Variants in GAB1 observed in about 807,000 individuals in gnomAD.
The protein encoded by GAB1 is GRB2-associated-binding protein 1.
A neutral mutation model predicts 66.5 loss-of-function variants in GAB1; 19 were observed. The ratio of observed to expected loss-of-function variants is 0.29; its 90% confidence interval spans 0.20 to 0.42. The LOEUF (loss-of-function observed/expected upper bound fraction) is 0.42. GAB1 is among the 10% of genes least tolerant of loss of function. The pLI is 1.00. For synonymous variants in GAB1, 294 were observed against 301.4 expected, an observed-to-expected ratio of 0.98 and a Z score of 0.25; for missense variants, 732 against 858.5, an observed-to-expected ratio of 0.85 and a Z score of 1.84.
intron 1 of GAB1, among the ~76,000 whole-genome samples, chr4:143,359,479 G>A (rs996214863): frequency 2.0e-5 from 3 of 152,144 alleles, no homozygotes; most frequent in African/African-American, 7.2e-5. Flanking sequence ...ACATTTCCAT[G>A]TGCTTTGTGA....
chr4:143,423,848 G>T (rs1733180729), intron 2 of GAB1, among the ~76,000 whole-genome samples: 1 of 108,860 alleles, frequency 9.2e-6, no homozygotes, highest in African/African-American at 3.0e-5. Flanking sequence ...GTCTTCACGT[G>T]CTATGAAAAG....
intron 2 of GAB1, among the ~76,000 whole-genome samples, chr4:143,430,369 AATTTTGGAACATAT>A (rs1733589850): frequency 6.6e-6 from 1 of 152,344 alleles, no homozygotes; most frequent in Admixed American, 6.5e-5. Context: ...AATCCCATAC[AATTTTGGAACATAT>A]ATTAATATTA....
chr4:143,414,636 A>G (rs1464474579), intron 1 of GAB1, among the ~76,000 whole-genome samples: 2 of 152,200 alleles, frequency 1.3e-5, no homozygotes, highest in African/African-American at 4.8e-5. Context: ...GAAAAGCTTC[A>G]AAACCTTTCC....
At chr4:143,389,073 A>G (rs899737736) in intron 1 of GAB1, among the ~76,000 whole-genome samples, 1 of 152,248 alleles carries the variant, frequency 6.6e-6, no homozygotes, top group East Asian at 1.9e-4. Context: ...ACAAAGATCC[A>G]TCTAAAATCA....
intron 6 of GAB1, among the ~76,000 whole-genome samples, chr4:143,447,770 A>G (rs368694264): frequency 6.6e-6 from 1 of 151,982 alleles, no homozygotes; most frequent in East Asian, 1.9e-4. Context: ...CTAATTGAAT[A>G]CCCTTTATTT....
chr4:143,421,702 T>TC (rs554640865), intron 2 of GAB1, among the ~76,000 whole-genome samples: 1 of 128,072 alleles, frequency 7.8e-6, no homozygotes, highest in African/African-American at 4.0e-5. Context: ...TCTTTTCTTT[T>TC]TTTTTTTTTT....
At chr4:143,373,864 A>AAT (rs796217762) in intron 1 of GAB1, among the ~76,000 whole-genome samples, 1 of 50,808 alleles carries the variant, frequency 2.0e-5, no homozygotes, top group Admixed American at 1.8e-4. Context: ...TCTGTAAATA[A>AAT]ATAAATATAT....
chr4:143,466,267 T>C, intron 9 of GAB1, 42 bp downstream of exon 9: 1 of 1,591,020 alleles, frequency 6.3e-7, no homozygotes, highest in East Asian at 2.2e-5. Flanking sequence ...ATACAGTTAG[T>C]TCACACTTCA....
chr4:143,358,722 C>A lies in GAB1; in HGVS notation c.72+21462C>A, dbSNP rs536669140. Among the ~76,000 whole-genome samples, 3 of 152,042 alleles carry A rather than the reference C, an allele frequency of 2.0e-5. No individual in the cohort carries two copies. The South Asian group carries it at 6.2e-4, about 32-fold the overall frequency. ...TTTAGAATGCATTAATATTTTCAGGCCCAAATATGAGTATTCAGTAGGTTC... is the reference window on the plus strand; with the variant it reads ...TTTAGAATGCATTAATATTTTCAGGACCAAATATGAGTATTCAGTAGGTTC... On this transcript the variant is annotated intron_variant, in intron 1 of 9. Transcript: ENST00000262994.
At chr4:143,453,324 C>T (rs182279459) in intron 6 of GAB1, among the ~76,000 whole-genome samples, 19 of 151,900 alleles carry the variant, frequency 1.3e-4, no homozygotes, top group South Asian at 4.2e-4. Flanking sequence ...TTTTCTAATA[C>T]GAAAACCAAG....
intron 1 of GAB1, among the ~76,000 whole-genome samples, chr4:143,396,606 A>C (rs932627217): frequency 6.6e-6 from 1 of 152,214 alleles, no homozygotes; most frequent in Admixed American, 6.5e-5. Context: ...CAGTAGATCT[A>C]AAAGAGGTAA....
At chr4:143,365,181 A>T (rs2149660546) in intron 1 of GAB1, among the ~76,000 whole-genome samples, 1 of 152,132 alleles carries the variant, frequency 6.6e-6, no homozygotes, top group East Asian at 1.9e-4. Flanking sequence ...CCGGCCCTGC[A>T]TCTACTTTTT....
In GAB1 at chr4:143,440,164, C is replaced by A; in HGVS notation, c.1367C>A (p.Pro456Gln). 1.2e-6 allele frequency: 2 copies of A among 1,614,124 alleles called. No homozygotes were observed. Among genetic ancestry groups the A allele is most frequent in the Non-Finnish European group, 1.7e-6 (2 of 1,179,982 alleles). Residue 456 changes from proline to glutamine, a missense_variant, in exon 6 of 10, where the codon CCA becomes CAA. This residue lies in a region of GAB1 where 427 missense variants were observed against 420.6 expected (regional missense o/e 1.02). Transcript: ENST00000262994. Reference protein sequence around the residue: ...NYVPMNPNSPPRQHSSSFTEP... With the variant: ...NYVPMNPNSPQRQHSSSFTEP... ...GTCCCAATGAATCCCAATTCACCAC[C>A]ACGACAACATTCCAGCAGTTTTACA...
chr4:143,345,245 TAGAA>T (rs1039044086), intron 1 of GAB1, among the ~76,000 whole-genome samples: 1 of 152,224 alleles, frequency 6.6e-6, no homozygotes, highest in Non-Finnish European at 1.5e-5. Flanking sequence ...TTTTATATAT[TAGAA>T]AGAATGCCAA....
chr4:143,423,050 A>G (rs1733103553), intron 2 of GAB1, among the ~76,000 whole-genome samples: 1 of 152,206 alleles, frequency 6.6e-6, no homozygotes, highest in Admixed American at 6.5e-5. Flanking sequence ...GCAAATCACA[A>G]GTCTTTATAA....
intron 1 of GAB1, among the ~76,000 whole-genome samples, chr4:143,364,688 G>T (rs1729800086): frequency 6.6e-6 from 1 of 151,832 alleles, no homozygotes. Context: ...TTGTTCTGGG[G>T]GATGGGAATT....
intron 7 of GAB1, 66 bp downstream of exon 7, chr4:143,459,544 C>A: frequency 2.1e-6 from 2 of 935,994 alleles, no homozygotes; most frequent in Admixed American, 1.8e-5. Context: ...TGTTCATTAT[C>A]ATGGAAAATA....
intron 3 of GAB1, among the ~76,000 whole-genome samples, chr4:143,436,960 C>T (rs1032251890): frequency 7.9e-5 from 12 of 151,798 alleles, no homozygotes; most frequent in South Asian, 2.1e-4. Context: ...GGGAGAGAGA[C>T]GGGAGGAAGG....
chr4:143,421,651 A>T (rs138626102), intron 2 of GAB1, among the ~76,000 whole-genome samples: 76 of 145,428 alleles, frequency 5.2e-4, no homozygotes, highest in African/African-American at 1.8e-3. Flanking sequence ...TCAACCAGAG[A>T]GTTTTTAGGT....
Sources: allele counts gnomAD v4.1 joint callset (sites outside exome capture counted in the v4.1 genomes callset), GRCh38; gene constraint gnomAD v4.1.1; regional missense constraint gnomAD v4.1.1; transcripts MANE v1.5; gene names NCBI Gene and HGNC (gene_info 2026-07-23, HGNC 2026-07-21).